FRAS1: variants seen among roughly 807,000 people sequenced by gnomAD.
The protein encoded by FRAS1 is Fraser extracellular matrix complex subunit 1.
A neutral mutation model predicts 435.2 loss-of-function variants in FRAS1; 290 were observed. The observed-to-expected ratio is 0.67, with a 90% CI of 0.61 to 0.73. FRAS1 has a LOEUF of 0.73. Among genes scored for constraint, FRAS1 ranks in the 30% least tolerant of loss-of-function variants. The pLI is 0.00. For synonymous variants in FRAS1, 1,800 were observed against 1,851.0 expected (o/e 0.97, Z 0.71); for missense variants, 4,860 against 5,001.5 (o/e 0.97, Z 0.85).
intron 9 of FRAS1, among the ~76,000 whole-genome samples, chr4:78,276,832 T>C (rs77868046): frequency 0.014 from 2,140 of 152,310 alleles, 57 homozygotes; most frequent in African/African-American, 0.048. Flanking sequence ...ACCACTTTTC[T>C]CTTCAAAGCT....
chr4:78,202,166 T>C (rs1244798084), intron 2 of FRAS1, among the ~76,000 whole-genome samples: 5 of 152,228 alleles, frequency 3.3e-5, no homozygotes, highest in Non-Finnish European at 5.9e-5. Context: ...AGTGTCATGG[T>C]AGATTAACCC....
At chr4:78,510,988 G>C (rs1213783654) in intron 63 of FRAS1, among the ~76,000 whole-genome samples, 1 of 152,198 alleles carries the variant, frequency 6.6e-6, no homozygotes, top group African/African-American at 2.4e-5. Context: ...AGTATATAAA[G>C]AGAACAATAC....
At chr4:78,081,699 T>C (rs137907903) in intron 2 of FRAS1, among the ~76,000 whole-genome samples, 1 of 152,244 alleles carries the variant, frequency 6.6e-6, no homozygotes, top group Non-Finnish European at 1.5e-5. Flanking sequence ...AGATAGAATC[T>C]GGGAGCCTCA....
At chr4:78,141,026 A>G (rs577690485) in intron 2 of FRAS1, among the ~76,000 whole-genome samples, 3 of 152,294 alleles carry the variant, frequency 2.0e-5, no homozygotes, top group South Asian at 2.1e-4. Context: ...CTACTCTCAT[A>G]GAAGTTGAAA....
At chr4:78,295,996 A>C (rs1578234353) in intron 14 of FRAS1, among the ~76,000 whole-genome samples, 1 of 150,686 alleles carries the variant, frequency 6.6e-6, no homozygotes, top group Non-Finnish European at 1.5e-5. Context: ...CTAGTGATCC[A>C]CCCGCGTTGG....
chr4:78,172,916 A>C (rs1227678935), intron 2 of FRAS1, among the ~76,000 whole-genome samples: 1 of 152,072 alleles, frequency 6.6e-6, no homozygotes, highest in East Asian at 1.9e-4. Context: ...GATTGAATTT[A>C]GAGGTGATCA....
Position 78,446,889 on chromosome 4 carries a change from C to T in FRAS1, c.6010+9C>T, listed in dbSNP as rs376252971. On this transcript the variant is annotated intron_variant, in intron 43 of 73. Coordinates refer to ENST00000512123, the MANE Select transcript of FRAS1 (RefSeq NM_025074.7). ...AAAAAAGCCTGACCACGGTAGGGCA[C>T]GAACTGCTATGAAAAGCTTCTTAAT... 32 of 1,598,704 alleles carry T rather than the reference C, an allele frequency of 2.0e-5. No individual in the cohort carries two copies. In the African/African-American group the frequency reaches 2.4e-4, roughly 12 times the overall value.
chr4:78,402,004 C>G (rs1425256881), intron 30 of FRAS1, among the ~76,000 whole-genome samples: 1 of 151,612 alleles, frequency 6.6e-6, no homozygotes, highest in East Asian at 1.9e-4. Flanking sequence ...ATCTGTAGTA[C>G]CATAACCAAA....
chr4:78,087,752 A>G (rs985253978), intron 2 of FRAS1, among the ~76,000 whole-genome samples: 1 of 152,178 alleles, frequency 6.6e-6, no homozygotes, highest in Non-Finnish European at 1.5e-5. Flanking sequence ...AGAACTACAA[A>G]CCACTGCTCA....
At chr4:78,099,843 A>G (rs17002937) in intron 2 of FRAS1, among the ~76,000 whole-genome samples, 7,378 of 152,200 alleles carry the variant, frequency 0.048, 250 homozygotes, top group Admixed American at 0.082. Flanking sequence ...ATCCTGTTTT[A>G]TTACAGTCAT....
intron 22 of FRAS1, among the ~76,000 whole-genome samples, chr4:78,367,094 G>A (rs547657404): frequency 5.9e-5 from 9 of 152,232 alleles, no homozygotes; most frequent in African/African-American, 2.2e-4. Context: ...CGGTTCCACG[G>A]GGGAATGAGT....
At chr4:78,365,979 A>G (rs554339196) in intron 22 of FRAS1, among the ~76,000 whole-genome samples, 1 of 151,610 alleles carries the variant, frequency 6.6e-6, no homozygotes, top group African/African-American at 2.4e-5. Context: ...AAAAAAAAAA[A>G]GATTCAACAC....
intron 14 of FRAS1, among the ~76,000 whole-genome samples, chr4:78,298,636 A>G (rs901305479): frequency 9.9e-5 from 15 of 152,232 alleles, no homozygotes; most frequent in Admixed American, 1.3e-4. Flanking sequence ...TTAAGTATGT[A>G]TTACAGCTTC....
At chr4:78,407,129 T>C (rs532783906) in intron 30 of FRAS1, among the ~76,000 whole-genome samples, 1 of 152,324 alleles carries the variant, frequency 6.6e-6, no homozygotes, top group East Asian at 1.9e-4. Context: ...TATTCAAAAA[T>C]AGAAATCTGA....
At chr4:78,126,440 AG>A (rs1719363871) in intron 2 of FRAS1, among the ~76,000 whole-genome samples, 1 of 152,346 alleles carries the variant, frequency 6.6e-6, no homozygotes, top group Non-Finnish European at 1.5e-5. Context: ...GAGATGAACC[AG>A]GTTCCTCAGT....
At chr4:78,287,247 G>A (rs766363721) in intron 14 of FRAS1, among the ~76,000 whole-genome samples, 129 of 152,114 alleles carry the variant, frequency 8.5e-4, no homozygotes, top group Non-Finnish European at 1.5e-3. Flanking sequence ...AACAGCATGG[G>A]GGAAACTGCC....
chr4:78,463,520 A>G (rs1049543264), intron 47 of FRAS1, among the ~76,000 whole-genome samples: 3 of 152,204 alleles, frequency 2.0e-5, no homozygotes, highest in African/African-American at 7.2e-5. Context: ...AGAATATTCA[A>G]TAAAATTATG....
intron 20 of FRAS1, among the ~76,000 whole-genome samples, chr4:78,362,117 G>A (rs1731092598): frequency 6.6e-6 from 1 of 152,122 alleles, no homozygotes; most frequent in Non-Finnish European, 1.5e-5. Context: ...ATCCCAACTG[G>A]TATTACAGAG....
Position 78,479,426 on chromosome 4 carries a change from T to C in FRAS1, c.8151T>C (p.Ala2717=). The change falls in exon 56 of 74, where the codon GCT becomes GCC. Residue 2717 remains alanine, a synonymous_variant. Coordinates refer to ENST00000512123, the MANE Select transcript of FRAS1 (RefSeq NM_025074.7). ...TTTGCTACACAGTCCCTAAGTCAGC[T>C]ATGGGAAGTAGCCTCTATGCTCTAG... ...SAICYTVPKS[A]MGSSLYALES... is the part of the protein sequence containing the mutation. 1 of 1,573,338 alleles carries C rather than the reference T, an allele frequency of 6.4e-7. No individual in the cohort carries two copies. Among genetic ancestry groups the C allele is most frequent in the East Asian group, 2.3e-5 (1 of 44,324 alleles).
Sources: gnomAD v4.1 joint callset for allele counts (sites outside exome capture counted in the v4.1 genomes callset) on GRCh38, gnomAD v4.1.1 for gene constraint, MANE v1.5 for transcripts, NCBI Gene and HGNC (gene_info 2026-07-23, HGNC 2026-07-21) for gene names.